The following GALNT10 variants were observed in gnomAD, a reference collection of about 807,000 sequenced individuals.
GALNT10 encodes GalNAc transferase 10.
A neutral mutation model predicts 75.0 loss-of-function variants in GALNT10; 41 were observed. That is an observed-to-expected ratio of 0.55 (90% CI 0.43 to 0.71). The LOEUF is 0.71. GALNT10 is among the 30% of genes least tolerant of loss of function. The pLI is 0.00. For missense variants in GALNT10, 727 were observed against 818.5 expected, an observed-to-expected ratio of 0.89 and a Z score of 1.36; for synonymous variants, 302 against 313.0, an observed-to-expected ratio of 0.96 and a Z score of 0.37.
In GALNT10 at chr5:154,416,482, C is replaced by CACACACACAG; in HGVS notation, c.1654-323_1654-322insGACACACACA. Among the ~76,000 whole-genome samples the CACACACACAG allele has an allele frequency of 1.5e-5, 1 of 65,464 alleles. No homozygotes were observed. The highest frequency in any genetic ancestry group is 4.0e-5 in the Non-Finnish European group (1 of 25,064). The allele number at this position is 65,464 out of a possible 152,430, so 42.9% of individuals were successfully genotyped here. ...ATAAAAGATAAAAGGAAAGCACATA[C>CACACACACAG]ACACACACACACACACACACACACA... On this transcript the variant is annotated intron_variant, in intron 11 of 11. Transcript: ENST00000297107. This position sits in a 1 kb window ranked among gnomAD's most constrained non-coding sequence, Gnocchi z 4.5.
chr5:154,242,145 C>CA (rs1753345682), intron 1 of GALNT10, among the ~76,000 whole-genome samples: 1 of 152,184 alleles, frequency 6.6e-6, no homozygotes, highest in Non-Finnish European at 1.5e-5. Flanking sequence ...GGGACTTGCT[C>CA]AAAGTTGCAT....
At chr5:154,253,776 T>A (rs1269079522) in intron 1 of GALNT10, among the ~76,000 whole-genome samples, 1 of 149,326 alleles carries the variant, frequency 6.7e-6, no homozygotes, top group African/African-American at 2.5e-5. Context: ...TTAGATTTCC[T>A]GGCTGTGTTT....
chr5:154,294,797 GT>G lies in GALNT10; in HGVS notation c.160-14del. On this transcript the variant is annotated intron_variant, in intron 1 of 11. Coordinates refer to ENST00000297107, the MANE Select transcript of GALNT10 (RefSeq NM_198321.4). The stretch of plus-strand genomic sequence containing the variant: ...GATTTGCCCTTTTCTATTTTTCATA[GT>G]TTTTGTCTTTTTTTAAGGGCTCACA... 1.5e-6 allele frequency: 2 copies of G among 1,356,536 alleles called. No individual in the cohort carries two copies. The highest frequency in any genetic ancestry group is 2.1e-6 in the Non-Finnish European group (2 of 945,456). The allele number at this position is 1,356,536 out of a possible 1,614,324, so 84.0% of individuals were successfully genotyped here. A position where few individuals can be genotyped will look rare whatever the true frequency, so the allele number is the denominator to read the frequency against.
chr5:154,221,862 C>T (rs1017539972), intron 1 of GALNT10, among the ~76,000 whole-genome samples: 1 of 152,208 alleles, frequency 6.6e-6, no homozygotes, highest in Non-Finnish European at 1.5e-5. Context: ...TAGCAGCTTT[C>T]AGACCAACTT....
Position 154,310,040 on chromosome 5 carries a change from T to C in GALNT10, c.401+11961T>C, listed in dbSNP as rs116073969. Among the ~76,000 whole-genome samples, 627 of 152,314 alleles carry C rather than the reference T, an allele frequency of 4.1e-3. 3 individuals are homozygous for C. The highest frequency in any genetic ancestry group is 0.014 in the African/African-American group (586 of 41,572). ...GAGTTTGTGGTCAGCGTTCAGGTTATGGCGAGAGCGGTACCCATAACCTTC... is the reference window on the plus strand; with the variant it reads ...GAGTTTGTGGTCAGCGTTCAGGTTACGGCGAGAGCGGTACCCATAACCTTC... On this transcript the variant is annotated intron_variant, in intron 3 of 11. Coordinates refer to ENST00000297107, the MANE Select transcript of GALNT10 (RefSeq NM_198321.4).
At position 154,416,785 on chromosome 5, in the gene GALNT10, G is replaced by T. The variant is rs1261666519; in HGVS notation, c.1654-29G>T. The T allele has an allele frequency of 6.3e-7, 1 of 1,584,364 alleles. No homozygotes were observed. The highest frequency in any genetic ancestry group is 2.2e-5 in the East Asian group (1 of 44,706). On this transcript the variant is annotated intron_variant, in intron 11 of 11. Transcript: ENST00000297107. The surrounding 1 kb of genome is among the most constrained non-coding windows in gnomAD (Gnocchi z 4.5). ...TGACTGGCCACATGTCTCCAGTGCT[G>T]TCTGGCTTATTACCTCCATGTTTTG...
At chr5:154,257,343 A>C (rs1227407309) in intron 1 of GALNT10, among the ~76,000 whole-genome samples, 1 of 152,176 alleles carries the variant, frequency 6.6e-6, no homozygotes. Context: ...TCACCTGACC[A>C]AAGCTGCCTC....
intron 1 of GALNT10, among the ~76,000 whole-genome samples, chr5:154,259,244 A>G (rs1753662204): frequency 6.6e-6 from 1 of 152,136 alleles, no homozygotes; most frequent in Non-Finnish European, 1.5e-5. Flanking sequence ...GGAAAACAGT[A>G]GCCAATTATT....
intron 1 of GALNT10, among the ~76,000 whole-genome samples, chr5:154,199,420 C>T (rs891783059): frequency 6.6e-6 from 1 of 152,120 alleles, no homozygotes; most frequent in Non-Finnish European, 1.5e-5. Flanking sequence ...GTGTGTTTAT[C>T]TGCAGCTTCC....
chr5:154,218,571 A>C (rs1466057194), intron 1 of GALNT10, among the ~76,000 whole-genome samples: 1 of 152,232 alleles, frequency 6.6e-6, no homozygotes, highest in Non-Finnish European at 1.5e-5. Context: ...GTTATTATTA[A>C]GGTGGTATTT....
intron 3 of GALNT10, among the ~76,000 whole-genome samples, chr5:154,307,596 G>A (rs1364127299): frequency 2.7e-5 from 4 of 149,810 alleles, no homozygotes; most frequent in South Asian, 2.1e-4. Flanking sequence ...CTCCAGCCTG[G>A]GCGACAGAGT....
intron 1 of GALNT10, among the ~76,000 whole-genome samples, chr5:154,215,767 A>C (rs1220307851): frequency 1.3e-5 from 2 of 152,196 alleles, no homozygotes; most frequent in Admixed American, 6.5e-5. Context: ...GCCAGTCTCC[A>C]AAGTGTTTGA....
chr5:154,384,342 T>C (rs1469850313), intron 6 of GALNT10, among the ~76,000 whole-genome samples: 1 of 152,222 alleles, frequency 6.6e-6, no homozygotes, highest in Non-Finnish European at 1.5e-5. Flanking sequence ...ATATGTGATA[T>C]TATTTTCTAA....
intron 4 of GALNT10, among the ~76,000 whole-genome samples, chr5:154,375,429 T>C (rs1373085503): frequency 6.6e-6 from 1 of 152,202 alleles, no homozygotes; most frequent in Non-Finnish European, 1.5e-5. Context: ...AAAGAGACTG[T>C]CTTTGATATT....
chr5:154,386,343 C>G lies in GALNT10; in HGVS notation c.969C>G (p.Ala323=). ...CCGTGATGGCCGGTGGACTGTTCGC[C>G]GTGGATCGGAAGTGGTTCTGGGAAC... is the stretch of plus-strand genomic sequence containing the variant. The part of the protein sequence containing the change: ...ESPVMAGGLF[A]VDRKWFWELG... The change falls in exon 7 of 12, where the codon GCC becomes GCG. Residue 323 remains alanine, a synonymous_variant. Coordinates refer to ENST00000297107, the MANE Select transcript of GALNT10 (RefSeq NM_198321.4). The G allele has an allele frequency of 6.2e-7, 1 of 1,613,976 alleles. No individual in the cohort carries two copies. The highest frequency in any genetic ancestry group is 8.5e-7 in the Non-Finnish European group (1 of 1,179,910).
chr5:154,380,409 A>G (rs756827263), intron 5 of GALNT10, 39 bp from the exon 6 acceptor site: 1 of 1,556,894 alleles, frequency 6.4e-7, no homozygotes, highest in Non-Finnish European at 8.8e-7. Context: ...CTGCTTCCCC[A>G]TCCTGCTTCA....
intron 4 of GALNT10, among the ~76,000 whole-genome samples, chr5:154,371,955 C>T (rs891504168): frequency 2.6e-5 from 4 of 152,162 alleles, no homozygotes; most frequent in Non-Finnish European, 5.9e-5. Context: ...AGACTCCATT[C>T]GCTTCCAAAT....
In GALNT10 at chr5:154,391,506, G is replaced by A. The variant is rs530595290; in HGVS notation, c.1056+5076G>A. Among the ~76,000 whole-genome samples, 3 of 152,326 alleles carry A rather than the reference G, an allele frequency of 2.0e-5. No homozygotes were observed. In the South Asian group the frequency reaches 6.2e-4, roughly 32 times the overall value. ...AGCAGAGCAAAGTTCTCACGTGGAA[G>A]TCAGAATCTTCCTAGTTCTAGTGGT... On this transcript the variant is annotated intron_variant, in intron 7 of 11. Coordinates refer to ENST00000297107, the MANE Select transcript of GALNT10 (RefSeq NM_198321.4).
At chr5:154,341,973 G>C (rs1470173854) in intron 4 of GALNT10, among the ~76,000 whole-genome samples, 1 of 152,102 alleles carries the variant, frequency 6.6e-6, no homozygotes, top group Non-Finnish European at 1.5e-5. Flanking sequence ...TTGATTTTCT[G>C]TCAGGACTAA....
Sources: allele counts gnomAD v4.1 joint callset (sites outside exome capture counted in the v4.1 genomes callset), GRCh38; gene constraint gnomAD v4.1.1; non-coding constraint Gnocchi (gnomAD v3.1); transcripts MANE v1.5; gene names NCBI Gene and HGNC (gene_info 2026-07-23, HGNC 2026-07-21).